CTNNA2: variants seen among roughly 807,000 people sequenced by gnomAD.
CTNNA2 encodes catenin alpha-2.
A neutral mutation model predicts 101.0 loss-of-function variants in CTNNA2; 42 were observed. That is an observed-to-expected ratio of 0.42 (90% CI 0.32 to 0.54). The LOEUF is 0.54. Among genes scored for constraint, CTNNA2 ranks in the 20% least tolerant of loss-of-function variants. The pLI is 0.14. For missense variants in CTNNA2, 871 were observed against 1,223.1 expected, an observed-to-expected ratio of 0.71 and a Z score of 4.29; for synonymous variants, 450 against 456.4, an observed-to-expected ratio of 0.99 and a Z score of 0.18.
At chr2:79,684,475 G>A (rs1175516715) in intron 2 of CTNNA2, among the ~76,000 whole-genome samples, 3 of 152,076 alleles carry the variant, frequency 2.0e-5, no homozygotes, top group Admixed American at 1.3e-4. Flanking sequence ...CTGATGATAG[G>A]CATCTACTGG....
chr2:80,264,821 A>T (rs1672882716), intron 7 of CTNNA2, among the ~76,000 whole-genome samples: 1 of 152,130 alleles, frequency 6.6e-6, no homozygotes, highest in Non-Finnish European at 1.5e-5. Context: ...ATTTCTTCTT[A>T]TGTGGAGCTC....
intron 7 of CTNNA2, among the ~76,000 whole-genome samples, chr2:80,092,043 A>T (rs1369726888): frequency 6.6e-6 from 1 of 152,084 alleles, no homozygotes; most frequent in Non-Finnish European, 1.5e-5. Context: ...TTGTGTCTCT[A>T]GCAATCACGA....
chr2:80,170,897 T>C (rs1267287394), intron 7 of CTNNA2, among the ~76,000 whole-genome samples: 1 of 152,142 alleles, frequency 6.6e-6, no homozygotes, highest in Non-Finnish European at 1.5e-5. Flanking sequence ...AGTGTATCAG[T>C]TTCCCTGTCT....
At chr2:79,415,744 A>G (rs1185447384) in intron 4 of CTNNA2, among the ~76,000 whole-genome samples, 1 of 152,100 alleles carries the variant, frequency 6.6e-6, no homozygotes, top group Non-Finnish European at 1.5e-5. Flanking sequence ...AACTGTGCTT[A>G]AAGTTTTTTT....
chr2:79,644,773 A>G (rs2104439744), intron 1 of CTNNA2, among the ~76,000 whole-genome samples: 1 of 152,094 alleles, frequency 6.6e-6, no homozygotes, highest in South Asian at 2.1e-4. Context: ...ACATTCCTTT[A>G]TATCTCTCTC....
At chr2:79,435,564 G>A (rs1199678503) in intron 4 of CTNNA2, among the ~76,000 whole-genome samples, 10 of 152,252 alleles carry the variant, frequency 6.6e-5, no homozygotes, top group African/African-American at 2.4e-4. Context: ...TGGGAAATTC[G>A]TGATTCTGGG....
At chr2:79,909,095 G>GT (rs1208807007) in intron 6 of CTNNA2, among the ~76,000 whole-genome samples, 1 of 152,228 alleles carries the variant, frequency 6.6e-6, no homozygotes, top group Non-Finnish European at 1.5e-5. Context: ...GAATATGCCT[G>GT]TTGGGTGTTA....
intron 17 of CTNNA2, among the ~76,000 whole-genome samples, chr2:80,614,199 G>C (rs1003599603): frequency 2.0e-5 from 3 of 151,370 alleles, no homozygotes; most frequent in Non-Finnish European, 4.4e-5. Flanking sequence ...CTGGATGAGG[G>C]GAGGTGATTG....
At chr2:79,495,205 A>G (rs771687766) in intron 4 of CTNNA2, among the ~76,000 whole-genome samples, 1 of 152,236 alleles carries the variant, frequency 6.6e-6, no homozygotes, top group Non-Finnish European at 1.5e-5. Context: ...GGAATAAAGT[A>G]TTTTACAAAT....
intron 15 of CTNNA2, among the ~76,000 whole-genome samples, chr2:80,602,868 A>G (rs1304181678): frequency 6.6e-6 from 1 of 152,130 alleles, no homozygotes; most frequent in East Asian, 1.9e-4. Flanking sequence ...ATAGAAACCC[A>G]GTATATTTTA....
chr2:79,218,373 G>A (rs1264329506), intron 2 of CTNNA2, among the ~76,000 whole-genome samples: 16 of 122,496 alleles, frequency 1.3e-4, no homozygotes, highest in African/African-American at 3.7e-4. Flanking sequence ...TTTAGAGACA[G>A]GATCTTGCTA....
At chr2:79,804,649 TA>T (rs142953333) in intron 3 of CTNNA2, among the ~76,000 whole-genome samples, 7,639 of 152,200 alleles carry the variant, frequency 0.05, 232 homozygotes, top group Middle Eastern at 0.12. Context: ...TGTAACCTAC[TA>T]TTTTTTTTAT....
chr2:79,876,577 G>A (rs1234632130), intron 6 of CTNNA2, among the ~76,000 whole-genome samples: 1 of 152,174 alleles, frequency 6.6e-6, no homozygotes, highest in Non-Finnish European at 1.5e-5. Context: ...CAGAGAGAAG[G>A]CCTGTGAACA....
chr2:79,904,172 C>T (rs968253272), intron 6 of CTNNA2, among the ~76,000 whole-genome samples: 2 of 152,148 alleles, frequency 1.3e-5, no homozygotes, highest in Non-Finnish European at 2.9e-5. Context: ...CTTTCTACCT[C>T]TCAACTGTGC....
At chr2:79,267,750 G>A (rs1300825964) in intron 2 of CTNNA2, among the ~76,000 whole-genome samples, 1 of 152,128 alleles carries the variant, frequency 6.6e-6, no homozygotes, top group Non-Finnish European at 1.5e-5. Context: ...AGAATGTAAA[G>A]CTAAATAAAA....
chr2:80,022,973 A>G (rs1166146517), intron 7 of CTNNA2, among the ~76,000 whole-genome samples: 1 of 152,200 alleles, frequency 6.6e-6, no homozygotes, highest in Non-Finnish European at 1.5e-5. Flanking sequence ...TTGTCTTGCT[A>G]ATGACCCAGC....
chr2:79,651,517 T>A, intron 1 of CTNNA2, 35 bp from the exon 2 acceptor site: 1 of 1,563,746 alleles, frequency 6.4e-7, no homozygotes, highest in Non-Finnish European at 8.8e-7. Flanking sequence ...ATTTCAAAGA[T>A]GATTATTTCT....
intron 1 of CTNNA2, among the ~76,000 whole-genome samples, chr2:79,577,183 A>T (rs1157164477): frequency 1.3e-5 from 2 of 152,098 alleles, no homozygotes; most frequent in African/African-American, 4.8e-5. Flanking sequence ...TAAGAAATAT[A>T]TATTCCTGGT....
chr2:80,354,667 G>T (rs1673614083), intron 7 of CTNNA2, among the ~76,000 whole-genome samples: 1 of 152,198 alleles, frequency 6.6e-6, no homozygotes, highest in Admixed American at 6.5e-5. Flanking sequence ...ACTTGATCAT[G>T]TGCAGAATGA....
Sources: gnomAD v4.1 joint callset for allele counts (sites outside exome capture counted in the v4.1 genomes callset) on GRCh38, gnomAD v4.1.1 for gene constraint, MANE v1.5 for transcripts, NCBI Gene and HGNC (gene_info 2026-07-23, HGNC 2026-07-21) for gene names.